The following MROH1 variants were observed in gnomAD, a reference collection of about 807,000 sequenced individuals.
MROH1 encodes maestro heat like repeat family member 1, also known as maestro heat-like repeat-containing protein family member 1.
In MROH1, 117 loss-of-function variants were observed where a neutral mutation model predicts 116.5. The ratio of observed to expected loss-of-function variants is 1.00; its 90% confidence interval spans 0.86 to 1.17. MROH1 has a LOEUF of 1.17. Ranked by LOEUF, MROH1 falls within the 50% of genes most tolerant of loss-of-function variation. The probability of loss-of-function intolerance (pLI) is 0.00; values close to 1 mark genes in which losing one functional copy is unlikely to be tolerated. For synonymous variants in MROH1, 921 were observed against 583.9 expected (o/e 1.58, Z -8.32); for missense variants, 1,873 against 1,338.5 (o/e 1.40, Z -6.23).
rs3905292 is a variant in MROH1 at position 144,228,892 on chromosome 8, C to T, written c.1338+5662C>T. ...CCCACAGTAGATCTTTCAAAATGGG[C>T]GTCATTCCTCTCAAACCCTGCCACT... On this transcript the variant is annotated intron_variant, in intron 14 of 43. Transcript: ENST00000326134. Among the ~76,000 whole-genome samples the T allele has an allele frequency of 4.6e-3, 699 of 152,260 alleles. 33 individuals carry two copies. In the South Asian group the frequency reaches 0.07, roughly 15 times the overall value.
intron 4 of MROH1, among the ~76,000 whole-genome samples, chr8:144,175,910 G>A (rs921548855): frequency 6.6e-5 from 10 of 152,150 alleles, no homozygotes; most frequent in African/African-American, 2.4e-4. Context: ...TTATCCAGGC[G>A]TGGTGGCACG....
At chr8:144,209,814 G>C (rs1268718908) in intron 12 of MROH1, among the ~76,000 whole-genome samples, 1 of 150,374 alleles carries the variant, frequency 6.7e-6, no homozygotes, top group African/African-American at 2.4e-5. Context: ...ACTGAGGTGA[G>C]AGGATCACCT....
chr8:144,151,180 G>A (rs1339535642), intron 1 of MROH1, among the ~76,000 whole-genome samples: 5 of 150,546 alleles, frequency 3.3e-5, no homozygotes, highest in South Asian at 4.2e-4. Flanking sequence ...CCTGGGAGGC[G>A]GAGGTTACAG....
In MROH1 at chr8:144,163,647, C is replaced by T. The variant is rs938614512; in HGVS notation, c.-56-124C>T. 34 of 651,164 alleles carry T rather than the reference C, an allele frequency of 5.2e-5. No individual in the cohort carries two copies. The highest frequency in any genetic ancestry group is 2.6e-4 in the Middle Eastern group (1 of 3,816). The allele number at this position is 651,164 out of a possible 1,614,324, so 40.3% of individuals were successfully genotyped here. On this transcript the variant is annotated intron_variant, in intron 2 of 43. Coordinates refer to ENST00000326134, the MANE Select transcript of MROH1 (RefSeq NM_032450.3). This position sits in a 1 kb window ranked among gnomAD's most constrained non-coding sequence, Gnocchi z 4.4. Reference sequence around the variant, plus strand: ...CCTGAGTGGCTCAAAGAAAATGTGACGGAGATATTTCCCCCAGAATAAATT... The same window carrying T: ...CCTGAGTGGCTCAAAGAAAATGTGATGGAGATATTTCCCCCAGAATAAATT...
chr8:144,160,388 G>GT (rs1819221257), intron 1 of MROH1, among the ~76,000 whole-genome samples: 1 of 152,176 alleles, frequency 6.6e-6, no homozygotes, highest in Non-Finnish European at 1.5e-5. Flanking sequence ...AGCCCTGGAT[G>GT]TTGCTTCTCC....
At chr8:144,150,296 T>C (rs1194551064) in intron 1 of MROH1, among the ~76,000 whole-genome samples, 1 of 152,228 alleles carries the variant, frequency 6.6e-6, no homozygotes, top group Non-Finnish European at 1.5e-5. Flanking sequence ...ATGTGTGCTA[T>C]GTAGGGAGAG....
chr8:144,218,264 G>C (rs1283761507), intron 12 of MROH1, among the ~76,000 whole-genome samples: 1 of 152,118 alleles, frequency 6.6e-6, no homozygotes, highest in Non-Finnish European at 1.5e-5. Context: ...TCAGGTGTGT[G>C]TATCCTCTGC....
intron 10 of MROH1, among the ~76,000 whole-genome samples, chr8:144,198,127 C>T (rs886913815): frequency 1.3e-5 from 2 of 152,068 alleles, no homozygotes; most frequent in African/African-American, 2.4e-5. Context: ...GGGCCAGCTC[C>T]TCCACCTCGC....
chr8:144,236,728 G>T (rs1467765208), intron 14 of MROH1, among the ~76,000 whole-genome samples: 1 of 151,208 alleles, frequency 6.6e-6, no homozygotes, highest in Non-Finnish European at 1.5e-5. Context: ...GGGTGACAGA[G>T]CGAGACTCCA....
At chr8:144,221,080 C>T (rs1394344853) in intron 13 of MROH1, among the ~76,000 whole-genome samples, 1 of 152,188 alleles carries the variant, frequency 6.6e-6, no homozygotes. Flanking sequence ...CAGCCATCCT[C>T]CCCTGGGGTC....
At chr8:144,181,913 G>A (rs1825817747) in intron 7 of MROH1, among the ~76,000 whole-genome samples, 4 of 152,322 alleles carry the variant, frequency 2.6e-5, no homozygotes, top group African/African-American at 7.2e-5. Flanking sequence ...TTGCAGTTCT[G>A]ACACCTCTTG....
intron 12 of MROH1, among the ~76,000 whole-genome samples, chr8:144,203,532 CG>C (rs979715941): frequency 2.3e-5 from 3 of 128,798 alleles, no homozygotes; most frequent in Admixed American, 2.3e-4. Flanking sequence ...TGGAGTGGCC[CG>C]GAGAGGAGCG....
At chr8:144,254,590 T>C in intron 33 of MROH1, 1 of 561,076 alleles carries the variant, frequency 1.8e-6, no homozygotes. Context: ...AGGCCCAGAT[T>C]TTTCTCTGTG....
chr8:144,154,299 C>G (rs961801058), intron 1 of MROH1, among the ~76,000 whole-genome samples: 8 of 152,228 alleles, frequency 5.3e-5, no homozygotes, highest in African/African-American at 1.9e-4. Context: ...AACTCTTGAC[C>G]TCAAGTGATC....
chr8:144,261,028 C>G lies in MROH1; in HGVS notation c.4658C>G (p.Thr1553Ser), dbSNP rs1323011153. ...ALHFGEFLNTTCKHLMHHFPD... is the reference protein window; with the variant it reads ...ALHFGEFLNTSCKHLMHHFPD... Reference sequence around the variant, plus strand: ...CACTTCGGGGAGTTCCTCAACACCACCTGCAAGCACCTGGTGAGGGGTGGG... The same window carrying G: ...CACTTCGGGGAGTTCCTCAACACCAGCTGCAAGCACCTGGTGAGGGGTGGG... Residue 1553 changes from threonine (T) to serine (S), a missense_variant, in exon 41 of 44, where the codon ACC becomes AGC. Thr to Ser is a moderately conservative substitution (Grantham distance 58). Coordinates refer to ENST00000326134, the MANE Select transcript of MROH1 (RefSeq NM_032450.3). 1.3e-6 allele frequency: 1 copy of G among 773,718 alleles called. No individual in the cohort carries two copies. The highest frequency in any genetic ancestry group is 2.4e-6 in the Non-Finnish European group (1 of 416,406). 47.9% of individuals were successfully genotyped at this position (773,718 alleles called of 1,614,324 possible).
At chr8:144,232,257 G>A (rs1839037291) in intron 14 of MROH1, among the ~76,000 whole-genome samples, 1 of 152,058 alleles carries the variant, frequency 6.6e-6, no homozygotes, top group African/African-American at 2.4e-5. Context: ...CTCCATGAGA[G>A]GCACTGTTTT....
chr8:144,233,354 T>TC, intron 14 of MROH1, among the ~76,000 whole-genome samples: 2 of 140,182 alleles, frequency 1.4e-5, no homozygotes, highest in Non-Finnish European at 3.1e-5. Flanking sequence ...GCACCCACCA[T>TC]CAACCTTCCC....
chr8:144,258,866 T>G lies in MROH1; in HGVS notation c.3881T>G (p.Leu1294Arg), dbSNP rs1844426590. The part of the protein sequence containing the change: ...QRMDLEGGWE[L>R]LRTSAGHEEG... Reference sequence around the variant, plus strand: ...ATGGACCTGGAGGGAGGCTGGGAACTGCTCAGGACCTCGGCGGGGCATGAG... The same window carrying G: ...ATGGACCTGGAGGGAGGCTGGGAACGGCTCAGGACCTCGGCGGGGCATGAG... The change falls in exon 36 of 44, where the codon CTG becomes CGG. Residue 1294 changes from leucine (L) to arginine (R), a missense_variant. Leu to Arg is a moderately radical substitution (Grantham distance 102). Coordinates refer to ENST00000326134, the MANE Select transcript of MROH1 (RefSeq NM_032450.3). 1 of 769,270 alleles carries G rather than the reference T, an allele frequency of 1.3e-6. No homozygotes were observed. Among genetic ancestry groups the G allele is most frequent in the Non-Finnish European group, 2.4e-6 (1 of 414,422 alleles). The allele number at this position is 769,270 out of a possible 1,614,324, so 47.7% of individuals were successfully genotyped here.
intron 12 of MROH1, among the ~76,000 whole-genome samples, chr8:144,207,521 A>G (rs898177278): frequency 6.6e-6 from 1 of 152,138 alleles, no homozygotes. Flanking sequence ...TGATTGATTT[A>G]TAGAGAGAGG....
Sources: gnomAD v4.1 joint callset for allele counts (sites outside exome capture counted in the v4.1 genomes callset) on GRCh38, gnomAD v4.1.1 for gene constraint, Gnocchi (gnomAD v3.1) non-coding constraint, MANE v1.5 for transcripts, NCBI Gene and HGNC (gene_info 2026-07-23, HGNC 2026-07-21) for gene names.